Variants in HPD observed in about 807,000 individuals in gnomAD.
HPD encodes the protein 4-hydroxyphenylpyruvate dioxygenase, also known as 4-hydroxyphenylpyruvic acid oxidase.
Under a neutral mutation model 56.9 loss-of-function variants are expected in HPD, and 35 were observed. The ratio of observed to expected loss-of-function variants is 0.62; its 90% CI spans 0.47 to 0.82. The LOEUF is 0.82. HPD is among the 40% of genes least tolerant of loss of function. The pLI, the probability that HPD is intolerant of heterozygous loss-of-function variation, is 0.00. For missense variants in HPD, 442 were observed against 506.8 expected (o/e 0.87, Z 1.23); for synonymous variants, 186 against 200.2 (o/e 0.93, Z 0.60).
At chr12:121,874,168 T>C in the HPD span, 1 of 152,134 alleles carries the variant, frequency 6.6e-6, no homozygotes, top group African/African-American at 2.4e-5. Flanking sequence ...TCTCTCAGCT[T>C]TCTATTTTTC....
rs1315381181 is a variant in HPD at position 121,847,067 on chromosome 12, C to G, written c.744G>C (p.Lys248Asn). Residue 248 changes from lysine to asparagine, a missense_variant, in exon 10 of 14, where the codon AAG becomes AAC. Physicochemically the swap from Lys to Asn is moderately conservative, Grantham distance 94. Transcript: ENST00000289004. ...MPINEPAPGK[K>N]KSQIQEYVDY... ...GCGGCCTCACCTGGATCTGGGACTT[C>G]TTCTTGCCAGGCGCTGGCTCATTGA... is the stretch of plus-strand genomic sequence containing the variant. 6.2e-7 allele frequency: 1 copy of G among 1,614,178 alleles called. No homozygotes were observed. The highest frequency in any genetic ancestry group is 1.7e-5 in the Admixed American group (1 of 60,002).
At chr12:121,858,612 GA>G in intron 2 of HPD, 74 bp downstream of exon 2, 1 of 1,404,616 alleles carries the variant, frequency 7.1e-7, no homozygotes, top group Non-Finnish European at 1.0e-6. Flanking sequence ...GCTCTCTGCT[GA>G]AACCCCAGTC....
At chr12:121,876,811 C>T in the HPD span, among the ~76,000 whole-genome samples, 4 of 152,178 alleles carry the variant, frequency 2.6e-5, no homozygotes, top group South Asian at 4.2e-4. Context: ...TGGCAGGGCG[C>T]GGTGGCTCAT....
At chr12:121,884,256 T>G in the HPD span, among the ~76,000 whole-genome samples, 2 of 151,078 alleles carry the variant, frequency 1.3e-5, no homozygotes, top group South Asian at 4.2e-4. Context: ...CTGCAACCTC[T>G]GCCTCAAGCA....
the HPD span, among the ~76,000 whole-genome samples, chr12:121,876,702 G>A: frequency 6.6e-6 from 1 of 152,056 alleles, no homozygotes; most frequent in African/African-American, 2.4e-5. Flanking sequence ...CAAGGGCAAT[G>A]GGGAGTTCTC....
chr12:121,841,653 G>T (rs1380828172), intron 12 of HPD, among the ~76,000 whole-genome samples: 1 of 151,666 alleles, frequency 6.6e-6, no homozygotes. Context: ...CTATGGGAAA[G>T]AAGCTGCTCA....
the HPD span, among the ~76,000 whole-genome samples, chr12:121,885,922 G>A: frequency 6.6e-6 from 1 of 150,526 alleles, no homozygotes; most frequent in African/African-American, 2.4e-5. Context: ...TCTCGCCACT[G>A]CACTCCAGCC....
rs1217459501 is a variant in HPD at position 121,846,942 on chromosome 12, G to C, written c.760-9C>G. 6.2e-7 allele frequency: 1 copy of C among 1,613,992 alleles called. No homozygotes were observed. Among genetic ancestry groups the C allele is most frequent in the South Asian group, 1.1e-5 (1 of 91,086 alleles). ...TTATAGTCCACATATTCCTGGGGGA[G>C]GGAAACAAGGAGACCACTGTCATTT... is the stretch of plus-strand genomic sequence containing the variant. On this transcript the variant is annotated splice_polypyrimidine_tract_variant and intron_variant, in intron 10 of 13. Coordinates refer to ENST00000289004, the MANE Select transcript of HPD (RefSeq NM_002150.3).
At chr12:121,872,922 C>G in the HPD span, among the ~76,000 whole-genome samples, 1 of 152,074 alleles carries the variant, frequency 6.6e-6, no homozygotes, top group Non-Finnish European at 1.5e-5. Context: ...CTGGATGAGT[C>G]AAACCTTTTT....
At chr12:121,879,489 T>TCTCTTCTCTTCTCTTCTCTC in the HPD span, among the ~76,000 whole-genome samples, 4 of 151,120 alleles carry the variant, frequency 2.6e-5, no homozygotes, top group Non-Finnish European at 3.0e-5. Context: ...TCTGTTCTCT[T>TCTCTTCTCTTCTCTTCTCTC]CTCTTCTCTT....
At chr12:121,858,204 C>T (rs1046520388) in intron 2 of HPD, among the ~76,000 whole-genome samples, 2 of 152,102 alleles carry the variant, frequency 1.3e-5, no homozygotes, top group African/African-American at 2.4e-5. Context: ...CTCTATTGCC[C>T]AGGCTGGAGT....
chr12:121,864,759 A>G (rs1423288910), upstream of HPD, among the ~76,000 whole-genome samples: 1 of 151,554 alleles, frequency 6.6e-6, no homozygotes, highest in African/African-American at 2.4e-5. Flanking sequence ...AGGCTGAGGC[A>G]GGAGAATGGA....
chr12:121,851,601 C>T (rs1449673622), intron 7 of HPD, among the ~76,000 whole-genome samples: 1 of 151,792 alleles, frequency 6.6e-6, no homozygotes, highest in Non-Finnish European at 1.5e-5. Flanking sequence ...GCCTCGGCCT[C>T]ACAAAGTGCT....
At chr12:121,868,899 T>C in the HPD span, among the ~76,000 whole-genome samples, 1 of 152,158 alleles carries the variant, frequency 6.6e-6, no homozygotes, top group African/African-American at 2.4e-5. Context: ...TTTCTTACTT[T>C]TGAGGCAGAC....
chr12:121,877,341 G>A, the HPD span, among the ~76,000 whole-genome samples: 2 of 152,080 alleles, frequency 1.3e-5, no homozygotes, highest in African/African-American at 2.4e-5. Context: ...GTGCCTTACT[G>A]CCTCTAGAGC....
chr12:121,869,559 G>T, the HPD span, among the ~76,000 whole-genome samples: 2 of 94,672 alleles, frequency 2.1e-5, no homozygotes, highest in African/African-American at 8.4e-5. Flanking sequence ...CATTTTGTAG[G>T]TTTTCACTTT....
chr12:121,876,378 T>C, the HPD span, among the ~76,000 whole-genome samples: 1 of 152,206 alleles, frequency 6.6e-6, no homozygotes, highest in African/African-American at 2.4e-5. Context: ...CCTGAGTGAA[T>C]AGGAGCTACT....
chr12:121,854,567 CGGGGGACAG>C (rs1478907010), intron 7 of HPD, 127 bp downstream of exon 7: 37 of 761,900 alleles, frequency 4.9e-5, no homozygotes, highest in South Asian at 4.7e-4. Flanking sequence ...CCAGGCAATA[CGGGGGACAG>C]ACTTGAGGGA....
the HPD span, among the ~76,000 whole-genome samples, chr12:121,881,039 C>T: frequency 2.0e-5 from 3 of 152,154 alleles, no homozygotes; most frequent in African/African-American, 4.8e-5. Context: ...GTGATCTGCC[C>T]ACCTTGGCCT....
Sources: gnomAD v4.1 joint callset for allele counts (sites outside exome capture counted in the v4.1 genomes callset) on GRCh38, gnomAD v4.1.1 for gene constraint, MANE v1.5 for transcripts, NCBI Gene and HGNC (gene_info 2026-07-23, HGNC 2026-07-21) for gene names.